Variants in MAP3K7CL observed in about 807,000 individuals in gnomAD.
MAP3K7CL encodes MAP3K7 C-terminal-like protein.
Under a neutral mutation model 18.6 loss-of-function variants are expected in MAP3K7CL, and 16 were observed. The observed-to-expected ratio is 0.86, with a 90% CI of 0.58 to 1.31. The LOEUF is 1.31. Among genes scored for constraint, MAP3K7CL ranks in the 50% most tolerant of loss-of-function variants. The probability of loss-of-function intolerance (pLI) is 0.00; values close to 1 mark genes in which losing one functional copy is unlikely to be tolerated. For synonymous variants in MAP3K7CL, 65 were observed against 66.8 expected, an observed-to-expected ratio of 0.97 and a Z score of 0.13; for missense variants, 163 against 174.4, an observed-to-expected ratio of 0.93 and a Z score of 0.37.
upstream of MAP3K7CL, chr21:29,085,724 A>G (rs1263076174): frequency 1.3e-6 from 1 of 766,800 alleles, no homozygotes; most frequent in Non-Finnish European, 2.2e-6. Context: ...ATTTAACATT[A>G]ATTGAATGCC....
At chr21:29,082,572 A>C (rs2085853338), upstream of MAP3K7CL, among the ~76,000 whole-genome samples, 1 of 152,290 alleles carries the variant, frequency 6.6e-6, no homozygotes, top group South Asian at 2.1e-4. Flanking sequence ...GCTTGCTCTC[A>C]TGAAAGTAGA....
chr21:29,081,008 A>G (rs531006567), upstream of MAP3K7CL, among the ~76,000 whole-genome samples: 3 of 152,240 alleles, frequency 2.0e-5, no homozygotes, highest in East Asian at 5.8e-4. Context: ...TTTAAAATTA[A>G]TTATTGTGGC....
At chr21:29,097,398 CTT>C (rs1396380690) in intron 4 of MAP3K7CL, among the ~76,000 whole-genome samples, 1 of 151,862 alleles carries the variant, frequency 6.6e-6, no homozygotes, top group Non-Finnish European at 1.5e-5. Flanking sequence ...GAAAAACGCT[CTT>C]ATAAATAAAA....
At chr21:29,155,017 G>A (rs116408829) in intron 3 of MAP3K7CL, among the ~76,000 whole-genome samples, 2 of 152,224 alleles carry the variant, frequency 1.3e-5, no homozygotes, top group Non-Finnish European at 2.9e-5. Context: ...CTTTACTCCA[G>A]TGTAACATGA....
chr21:29,137,665 G>A (rs1479883025), intron 2 of MAP3K7CL, among the ~76,000 whole-genome samples: 1 of 152,196 alleles, frequency 6.6e-6, no homozygotes, highest in East Asian at 1.9e-4. Context: ...GTCATTTGGA[G>A]CAAGACTAAG....
At chr21:29,086,242 C>T (rs938168988) in intron 1 of MAP3K7CL, among the ~76,000 whole-genome samples, 4 of 152,116 alleles carry the variant, frequency 2.6e-5, no homozygotes, top group Admixed American at 6.5e-5. Context: ...CTAAATGATC[C>T]GTGGAGTAAG....
upstream of MAP3K7CL, among the ~76,000 whole-genome samples, chr21:29,127,060 C>T (rs2086693807): frequency 6.6e-6 from 1 of 152,148 alleles, no homozygotes; most frequent in Non-Finnish European, 1.5e-5. Flanking sequence ...TTTAAAGGCA[C>T]CTAGTAATCA....
chr21:29,123,403 T>C (rs553391406), intron 4 of MAP3K7CL, among the ~76,000 whole-genome samples: 1 of 152,242 alleles, frequency 6.6e-6, no homozygotes, highest in Admixed American at 6.5e-5. Context: ...TATGAAGTAG[T>C]CCTGCAAAAA....
chr21:29,095,356 C>G (rs1054718), intron 4 of MAP3K7CL, among the ~76,000 whole-genome samples: 86,587 of 151,860 alleles, frequency 0.57, 24,952 homozygotes, highest in South Asian at 0.65. Context: ...AGGCAGGAGC[C>G]TTTTGTGTGG....
At chr21:29,108,420 C>G (rs2086361834) in intron 4 of MAP3K7CL, among the ~76,000 whole-genome samples, 1 of 152,146 alleles carries the variant, frequency 6.6e-6, no homozygotes, top group Admixed American at 6.5e-5. Context: ...TGTTTAAGCC[C>G]TCTAATTTAT....
chr21:29,085,800 CTATATCCCCCAGGT>C (rs1658489937), upstream of MAP3K7CL: 1 of 1,545,538 alleles, frequency 6.5e-7, no homozygotes, highest in Admixed American at 1.7e-5. Flanking sequence ...TCATAACTCT[CTATATCCCCCAGGT>C]GAAAGACAAC....
intron 4 of MAP3K7CL, chr21:29,109,150 TC>T: frequency 6.5e-7 from 1 of 1,535,404 alleles, no homozygotes; most frequent in South Asian, 1.2e-5. Context: ...TTCTTCCTCT[TC>T]CCTAACGCCC....
At chr21:29,151,371 C>T (rs1423281368) in intron 3 of MAP3K7CL, among the ~76,000 whole-genome samples, 1 of 151,868 alleles carries the variant, frequency 6.6e-6, no homozygotes, top group East Asian at 1.9e-4. Context: ...GCAGGAGAAT[C>T]GCTTGAAACC....
At chr21:29,167,637 G>T (rs992351853) in intron 4 of MAP3K7CL, among the ~76,000 whole-genome samples, 2 of 151,506 alleles carry the variant, frequency 1.3e-5, no homozygotes, top group East Asian at 3.9e-4. Context: ...TCACAGATTC[G>T]GGAGGGAGAG....
At chr21:29,160,095 C>T in intron 4 of MAP3K7CL, 39 bp downstream of exon 4, 1 of 1,538,314 alleles carries the variant, frequency 6.5e-7, no homozygotes, top group Middle Eastern at 1.7e-4. Flanking sequence ...CTGAGCACTG[C>T]CTACTGGGCA....
Position 29,101,533 on chromosome 21 carries a change from T to C in MAP3K7CL, c.370+8952T>C, listed in dbSNP as rs551612045. ...CAGCCATTCTCCTGCCTCGGCCTCC[T>C]GAGTAGTTGGGACTACAGGCGCCCG... On this transcript the variant is annotated intron_variant, in intron 4 of 6. Coordinates refer to the MAP3K7CL transcript ENST00000286791. Among the ~76,000 whole-genome samples, 386 of 152,272 alleles carry C rather than the reference T, an allele frequency of 2.5e-3. 1 individual carries two copies. The highest frequency in any genetic ancestry group is 8.4e-3 in the African/African-American group (348 of 41,564).
intron 4 of MAP3K7CL, among the ~76,000 whole-genome samples, chr21:29,123,544 CAA>C (rs1479898102): frequency 6.6e-6 from 1 of 151,924 alleles, no homozygotes; most frequent in African/African-American, 2.4e-5. Flanking sequence ...GTTTCTTTAA[CAA>C]ATAAATTTGC....
upstream of MAP3K7CL, chr21:29,127,621 A>C (rs1160195424): frequency 8.5e-6 from 1 of 117,246 alleles, no homozygotes; most frequent in African/African-American, 2.9e-5. Context: ...GACAATTTAG[A>C]TGTATTTTTT....
In MAP3K7CL at chr21:29,144,182, CTG is replaced by C. The variant is rs373777648; in HGVS notation, c.71-5005_71-5004del. 1.8e-3 allele frequency among the ~76,000 whole-genome samples: 265 copies of C among 150,484 alleles called. 2 individuals are homozygous for C. Among genetic ancestry groups the C allele is most frequent in the African/African-American group, 5.9e-3 (240 of 40,964 alleles). On this transcript the variant is annotated intron_variant, in intron 2 of 4. Coordinates refer to ENST00000399928, the MANE Select transcript of MAP3K7CL (RefSeq NM_001286620.2). ...TTTTTTTTTGAGACGGAGTCTAGCT[CTG>C]TTGCCCAGGCTGGAGTGCAAGCAGG... is the stretch of plus-strand genomic sequence containing the variant.
Sources: allele counts gnomAD v4.1 joint callset (sites outside exome capture counted in the v4.1 genomes callset), GRCh38; gene constraint gnomAD v4.1.1; transcripts MANE v1.5; gene names NCBI Gene and HGNC (gene_info 2026-07-23, HGNC 2026-07-21).